The following SYNPO2 variants were observed in gnomAD, a reference collection of about 807,000 sequenced individuals.
SYNPO2 encodes the protein synaptopodin 2.
Under a neutral mutation model 85.0 loss-of-function variants are expected in SYNPO2, and 56 were observed. The ratio of observed to expected loss-of-function variants is 0.66; its 90% CI spans 0.53 to 0.82. The LOEUF (loss-of-function observed/expected upper bound fraction) is 0.82. Among genes scored for constraint, SYNPO2 ranks in the 40% least tolerant of loss-of-function variants. The pLI is 0.00. For missense variants in SYNPO2, 1,575 were observed against 1,534.2 expected, an observed-to-expected ratio of 1.03 and a Z score of -0.44; for synonymous variants, 602 against 591.1, an observed-to-expected ratio of 1.02 and a Z score of -0.27.
upstream of SYNPO2, among the ~76,000 whole-genome samples, chr4:118,887,889 T>G (rs191356120): frequency 3.3e-5 from 5 of 152,352 alleles, no homozygotes; most frequent in East Asian, 9.6e-4. Context: ...TTTCCCAGGC[T>G]CTTCCTTATT....
At chr4:119,037,301 A>G (rs1738555999) in intron 4 of SYNPO2, 1 of 1,293,980 alleles carries the variant, frequency 7.7e-7, no homozygotes, top group Non-Finnish European at 9.8e-7. Flanking sequence ...TTCATGAAAA[A>G]AAATTTTTAA....
chr4:118,962,575 T>C (rs1735141057), intron 1 of SYNPO2, among the ~76,000 whole-genome samples: 1 of 152,228 alleles, frequency 6.6e-6, no homozygotes, highest in Non-Finnish European at 1.5e-5. Context: ...CTAATTTTTC[T>C]AACATTTTTA....
rs570608144 is a variant in SYNPO2, at chr4:118,879,068, A to G, written c.12+28128A>G. Among the ~76,000 whole-genome samples the G allele has an allele frequency of 7.2e-5, 11 of 152,216 alleles. No homozygotes were observed. The South Asian group carries it at 1.9e-3, about 26-fold the overall frequency. On this transcript the variant is annotated intron_variant, in intron 1 of 4. Transcript: ENST00000610556. Reference sequence around the variant, plus strand: ...AGGCACCACCTTTAAGAGCTGTAACACTCACTGTTAAGGTGTGCCACTTCA... The same window carrying G: ...AGGCACCACCTTTAAGAGCTGTAACGCTCACTGTTAAGGTGTGCCACTTCA...
At chr4:118,950,559 A>G (rs1578578519) in intron 1 of SYNPO2, among the ~76,000 whole-genome samples, 4 of 152,204 alleles carry the variant, frequency 2.6e-5, no homozygotes, top group African/African-American at 9.6e-5. Flanking sequence ...ATGGTCCCCA[A>G]CTGTCTGGTA....
chr4:118,974,918 C>A (rs1735667381), intron 1 of SYNPO2, among the ~76,000 whole-genome samples: 1 of 152,166 alleles, frequency 6.6e-6, no homozygotes, highest in African/African-American at 2.4e-5. Flanking sequence ...TATCTTCAGT[C>A]ATCTCCTGTC....
intron 1 of SYNPO2, among the ~76,000 whole-genome samples, chr4:119,013,744 A>G (rs553886132): frequency 6.6e-6 from 1 of 152,366 alleles, no homozygotes; most frequent in South Asian, 2.1e-4. Flanking sequence ...ATGTGTCAAC[A>G]TTTGAAAGAT....
At chr4:118,865,586 G>T (rs900124654) in intron 1 of SYNPO2, among the ~76,000 whole-genome samples, 1 of 152,166 alleles carries the variant, frequency 6.6e-6, no homozygotes, top group African/African-American at 2.4e-5. Flanking sequence ...AAAGATCTTT[G>T]TTTTATGGTT....
At chr4:119,010,878 A>T (rs577636097) in intron 1 of SYNPO2, among the ~76,000 whole-genome samples, 1 of 152,204 alleles carries the variant, frequency 6.6e-6, no homozygotes, top group Non-Finnish European at 1.5e-5. Flanking sequence ...ATTTCCTTAC[A>T]TAAGTTCAAC....
intron 1 of SYNPO2, among the ~76,000 whole-genome samples, chr4:118,910,947 G>A (rs942243988): frequency 2.0e-5 from 3 of 152,108 alleles, no homozygotes; most frequent in African/African-American, 7.2e-5. Flanking sequence ...GTCAATGCCT[G>A]TGCAGTTGGT....
chr4:119,042,268 G>GA (rs1738740853), intron 4 of SYNPO2: 1 of 132,452 alleles, frequency 7.5e-6, no homozygotes, highest in Non-Finnish European at 1.7e-5. Flanking sequence ...GGGGCCTTGA[G>GA]ACGTGATTTT....
At chr4:118,946,026 G>T (rs991045072) in intron 1 of SYNPO2, among the ~76,000 whole-genome samples, 1 of 152,304 alleles carries the variant, frequency 6.6e-6, no homozygotes, top group Admixed American at 6.5e-5. Context: ...TTATAGGCGT[G>T]AGCCACCACG....
intron 1 of SYNPO2, among the ~76,000 whole-genome samples, chr4:118,937,636 G>A (rs2149135856): frequency 6.6e-6 from 1 of 152,058 alleles, no homozygotes; most frequent in East Asian, 1.9e-4. Context: ...CTTGGCAGTT[G>A]ACCTTGAATA....
chr4:119,055,913 C>T (rs921574540), intron 4 of SYNPO2, among the ~76,000 whole-genome samples: 20 of 151,422 alleles, frequency 1.3e-4, no homozygotes, highest in African/African-American at 2.7e-4. Context: ...AAAAAAAAAA[C>T]GAAACATTTG....
intron 1 of SYNPO2, among the ~76,000 whole-genome samples, chr4:119,019,212 A>G (rs961883979): frequency 7.9e-5 from 12 of 152,178 alleles, no homozygotes; most frequent in Admixed American, 4.6e-4. Context: ...TAAACCTAAA[A>G]TGAAAATTAG....
intron 4 of SYNPO2, chr4:119,035,961 G>T: frequency 2.0e-6 from 2 of 985,388 alleles, no homozygotes; most frequent in Non-Finnish European, 2.4e-6. Context: ...ACTCTGTGTG[G>T]CTCTTTCACA....
intron 1 of SYNPO2, chr4:119,006,300 T>A (rs1206094612): frequency 6.6e-6 from 1 of 152,252 alleles, no homozygotes; most frequent in Non-Finnish European, 1.5e-5. Context: ...GGGACAGAAG[T>A]GGACTATTCT....
chr4:119,047,593 G>A (rs1445434207), intron 4 of SYNPO2, among the ~76,000 whole-genome samples: 1 of 152,152 alleles, frequency 6.6e-6, no homozygotes, highest in Admixed American at 6.5e-5. Flanking sequence ...CAAGTGTTAG[G>A]GAATGAGGAA....
chr4:119,009,481 G>A (rs555906625), intron 1 of SYNPO2, among the ~76,000 whole-genome samples: 3 of 152,218 alleles, frequency 2.0e-5, no homozygotes, highest in Admixed American at 6.5e-5. Flanking sequence ...TTCCTTGTAG[G>A]AAAGTCACTC....
chr4:118,950,265 T>C (rs1251471415), intron 1 of SYNPO2, among the ~76,000 whole-genome samples: 1 of 152,236 alleles, frequency 6.6e-6, no homozygotes, highest in Non-Finnish European at 1.5e-5. Flanking sequence ...TGTTTTAAAA[T>C]GTATCTGGGA....
Sources: gnomAD v4.1 joint callset for allele counts (sites outside exome capture counted in the v4.1 genomes callset) on GRCh38, gnomAD v4.1.1 for gene constraint, MANE v1.5 for transcripts, NCBI Gene and HGNC (gene_info 2026-07-23, HGNC 2026-07-21) for gene names.